Variants in FZR1 observed in about 807,000 individuals in gnomAD.
The protein encoded by FZR1 is fizzy and cell division cycle 20 related 1.
FZR1 carries 11 observed loss-of-function variants against 63.6 expected under a neutral mutation model. The ratio of observed to expected loss-of-function variants is 0.17; its 90% confidence interval spans 0.11 to 0.29. FZR1 has a LOEUF of 0.29. FZR1 is among the 10% of genes least tolerant of loss of function. The probability of loss-of-function intolerance (pLI) is 1.00; values close to 1 mark genes in which losing one functional copy is unlikely to be tolerated. For synonymous variants in FZR1, 328 were observed against 297.9 expected (o/e 1.10, Z -1.04); for missense variants, 440 against 687.5 (o/e 0.64, Z 4.03).
intron 1 of FZR1, among the ~76,000 whole-genome samples, chr19:3,518,014 T>C (rs1054773263): frequency 4.2e-5 from 6 of 144,288 alleles, no homozygotes; most frequent in African/African-American, 1.5e-4. Flanking sequence ...TTTCTTTCTT[T>C]TTTTTTTTTT....
chr19:3,519,119 C>A (rs2083080151), intron 1 of FZR1, among the ~76,000 whole-genome samples: 1 of 152,164 alleles, frequency 6.6e-6, no homozygotes, highest in Non-Finnish European at 1.5e-5. Flanking sequence ...GAGGGCAGGG[C>A]CCCCCATGCG....
intron 7 of FZR1, among the ~76,000 whole-genome samples, chr19:3,529,087 AGAGCAG>A: frequency 8.1e-6 from 1 of 124,108 alleles, no homozygotes; most frequent in African/African-American, 4.0e-5. Flanking sequence ...AGCGGATGGG[AGAGCAG>A]ACGGTTGAGC....
chr19:3,513,547 C>T (rs1430333725), intron 1 of FZR1, among the ~76,000 whole-genome samples: 1 of 152,188 alleles, frequency 6.6e-6, no homozygotes, highest in East Asian at 1.9e-4. Flanking sequence ...TGGCGCCTGC[C>T]CACCTGCTGT....
intron 1 of FZR1, among the ~76,000 whole-genome samples, chr19:3,506,698 C>T (rs942479254): frequency 3.0e-4 from 46 of 152,008 alleles, no homozygotes; most frequent in African/African-American, 1.1e-3. Context: ...CAGCGTCCCC[C>T]CCACGTCGGG....
chr19:3,534,365 C>A, intron 12 of FZR1, 56 bp from the exon 13 acceptor site: 2 of 982,242 alleles, frequency 2.0e-6, no homozygotes, highest in Non-Finnish European at 3.2e-6. Context: ...TCCCCCAGCA[C>A]TGTCCCGAGG....
In FZR1 at chr19:3,526,107, C is replaced by T. The variant is rs201608894; in HGVS notation, c.196-13C>T. The T allele has an allele frequency of 6.2e-7, 1 of 1,612,754 alleles. No homozygotes were observed. The highest frequency in any genetic ancestry group is 8.5e-7 in the Non-Finnish European group (1 of 1,179,898). ...GCTCCTCGACCCCTCCCTCTCTGCT[C>T]TCCTGCCTGCAGGAGAATGAGAAGT... On this transcript the variant is annotated splice_polypyrimidine_tract_variant and intron_variant, in intron 3 of 13. Coordinates refer to ENST00000441788, the MANE Select transcript of FZR1 (RefSeq NM_016263.4). This position sits in a 1 kb window ranked among gnomAD's most constrained non-coding sequence, Gnocchi z 5.4.
Position 3,526,562 on chromosome 19 carries a change from T to C in FZR1, c.387+176T>C, listed in dbSNP as rs1392350609. ...GGTCAGGGGCCCTGGGATCTGAGGC[T>C]GGAGGTCTAGCAGGTAAACTGGGAT... On this transcript the variant is annotated intron_variant, in intron 5 of 13. Transcript: ENST00000441788. The surrounding 1 kb of genome is among the most constrained non-coding windows in gnomAD (Gnocchi z 5.4). Among the ~76,000 whole-genome samples, 2 of 152,194 alleles carry C rather than the reference T, an allele frequency of 1.3e-5. No homozygotes were observed. The highest frequency in any genetic ancestry group is 4.8e-5 in the African/African-American group (2 of 41,448).
At chr19:3,507,571 C>G (rs944429326) in intron 1 of FZR1, among the ~76,000 whole-genome samples, 1 of 152,160 alleles carries the variant, frequency 6.6e-6, no homozygotes, top group African/African-American at 2.4e-5. Flanking sequence ...GACCTCATGC[C>G]TCTCCGTGGT....
rs1471373235 is a variant in FZR1, at chr19:3,527,675, C to G, written c.515C>G (p.Ser172Cys). 1 of 1,611,960 alleles carries G rather than the reference C, an allele frequency of 6.2e-7. No homozygotes were observed. The highest frequency in any genetic ancestry group is 2.2e-5 in the East Asian group (1 of 44,882). ...RSPRKPTRKI[S>C]KIPFKVLDAP... ...CCCCGGAAACCCACCCGCAAGATCT[C>G]CAAGATCCCCTTCAAGGTGCTGGAC... Residue 172 changes from serine (S) to cysteine (C), a missense_variant, in exon 7 of 14, where the codon TCC becomes TGC. Ser to Cys is a moderately radical substitution (Grantham distance 112, BLOSUM62 -1). Transcript: ENST00000441788.
intron 8 of FZR1, among the ~76,000 whole-genome samples, 179 bp from the exon 9 acceptor site, chr19:3,531,535 A>G (rs2083247192): frequency 2.0e-5 from 3 of 152,030 alleles, no homozygotes; most frequent in Admixed American, 1.3e-4. Flanking sequence ...TGTGCCCGCC[A>G]CCCCAGCATG....
rs1356105402 is a variant in FZR1, at chr19:3,525,603, C to T, written c.70-265C>T. On this transcript the variant is annotated intron_variant, in intron 2 of 13. Transcript: ENST00000441788. The surrounding 1 kb of genome is among the most constrained non-coding windows in gnomAD (Gnocchi z 4.2). ...GACTACAGGCGCCTGCCACCACGCC[C>T]GGCTGATTTTTTGTATTTTTAGTAG... is the stretch of plus-strand genomic sequence containing the variant. 3.9e-5 allele frequency among the ~76,000 whole-genome samples: 6 copies of T among 152,100 alleles called. No individual in the cohort carries two copies. The highest frequency in any genetic ancestry group is 3.9e-4 in the East Asian group (2 of 5,160).
chr19:3,530,820 A>G lies in FZR1; in HGVS notation c.683A>G (p.Glu228Gly). 6.2e-7 allele frequency: 1 copy of G among 1,613,090 alleles called. No homozygotes were observed. Among genetic ancestry groups the G allele is most frequent in the Non-Finnish European group, 8.5e-7 (1 of 1,179,700 alleles). ...ACGCGGCTCTGTGACCTCTCAGTGG[A>G]AGGGGACTCAGTGACCTCCGTGGGC... is the stretch of plus-strand genomic sequence containing the variant. ...QVTRLCDLSV[E>G]GDSVTSVGWS... Residue 228 changes from glutamate (E) to glycine (G), a missense_variant, in exon 8 of 14, where the codon GAA becomes GGA. Glu to Gly is a moderately conservative substitution (Grantham distance 98). This residue lies in a region of FZR1 where 208 missense variants were observed against 363.6 expected (regional missense o/e 0.57). Transcript: ENST00000441788.
rs779936472 is a variant in FZR1 at position 3,527,721 on chromosome 19, C to T, written c.561C>T (p.Asp187=). ...TGGACGCGCCCGAGCTGCAGGACGA[C>T]TTCTACCTCAATCTGGTGGACTGGT... The part of the protein sequence containing the change: ...KVLDAPELQD[D]FYLNLVDWSS... The change falls in exon 7 of 14, where the codon GAC becomes GAT. Residue 187 remains aspartate (D), a synonymous_variant. Transcript: ENST00000441788. 26 of 1,612,622 alleles carry T rather than the reference C, an allele frequency of 1.6e-5. No individual in the cohort carries two copies. In the African/African-American group the frequency reaches 2.9e-4, roughly 18 times the overall value.
In FZR1 at chr19:3,532,445, G is replaced by T; in HGVS notation, c.1037G>T (p.Ser346Ile). ...KLLVWNHSSL[S>I]PVQQYTEHLA... ...CTGGTCTGGAATCACTCGAGCCTGA[G>T]CCCCGTGCAGCAGTACACGGAGCAC... Residue 346 changes from serine to isoleucine, a missense_variant, in exon 11 of 14, where the codon AGC becomes ATC. This residue lies in a region of FZR1 where 208 missense variants were observed against 363.6 expected (regional missense o/e 0.57). Coordinates refer to ENST00000441788, the MANE Select transcript of FZR1 (RefSeq NM_016263.4). 6.3e-7 allele frequency: 1 copy of T among 1,594,614 alleles called. No individual in the cohort carries two copies. The highest frequency in any genetic ancestry group is 8.6e-7 in the Non-Finnish European group (1 of 1,168,832).
At position 3,522,987 on chromosome 19, in the gene FZR1, G is replaced by T; in HGVS notation, c.-3G>T. On this transcript the variant is annotated 5_prime_UTR_variant, in exon 2 of 14. Coordinates refer to ENST00000441788, the MANE Select transcript of FZR1 (RefSeq NM_016263.4). ...CTTGCCGCGGGCCGAGCCCTGCCTC[G>T]CCATGGACCAGGACTATGAGCGGCG... is the stretch of plus-strand genomic sequence containing the variant. 6.2e-7 allele frequency: 1 copy of T among 1,608,902 alleles called. No individual in the cohort carries two copies. Among genetic ancestry groups the T allele is most frequent in the Non-Finnish European group, 8.5e-7 (1 of 1,176,332 alleles).
At chr19:3,508,061 A>AG (rs376738229) in intron 1 of FZR1, among the ~76,000 whole-genome samples, 11 of 125,078 alleles carry the variant, frequency 8.8e-5, no homozygotes, top group African/African-American at 3.4e-4. Flanking sequence ...CTTGCTTCCC[A>AG]GGTCAAATTT....
At position 3,506,367 on chromosome 19, in the gene FZR1, GGCGGCC is replaced by G. The variant is rs2082982515; in HGVS notation, c.-134_-129del. ...CCGCGGAGCCCGGGATCCCGTCAGC[GGCGGCC>G]GCGGCCGGGCCTGCGGGAGCTGCGG... On this transcript the variant is annotated 5_prime_UTR_variant, in exon 1 of 14. Transcript: ENST00000441788. 1 of 151,214 alleles carries G rather than the reference GGCGGCC, an allele frequency of 6.6e-6. No individual in the cohort carries two copies. The highest frequency in any genetic ancestry group is 6.6e-5 in the Admixed American group (1 of 15,198). 9.4% of individuals were successfully genotyped at this position (151,214 alleles called of 1,614,324 possible).
chr19:3,534,357 C>T, intron 12 of FZR1, 64 bp from the exon 13 acceptor site: 1 of 911,440 alleles, frequency 1.1e-6, no homozygotes, highest in Non-Finnish European at 1.8e-6. Context: ...TCCTTCAGTC[C>T]CCCAGCACTG....
intron 8 of FZR1, 83 bp downstream of exon 8, chr19:3,530,940 C>A: frequency 9.3e-7 from 1 of 1,080,070 alleles, no homozygotes. Flanking sequence ...CCCAGAGGGT[C>A]TAGTGCGTGG....
Sources: gnomAD v4.1 joint callset for allele counts (sites outside exome capture counted in the v4.1 genomes callset) on GRCh38, gnomAD v4.1.1 for gene constraint, gnomAD v4.1.1 regional missense constraint, Gnocchi (gnomAD v3.1) non-coding constraint, MANE v1.5 for transcripts, NCBI Gene and HGNC (gene_info 2026-07-23, HGNC 2026-07-21) for gene names.